SLC9C2: variants seen among roughly 807,000 people sequenced by gnomAD.
The protein encoded by SLC9C2 is solute carrier family 9 member C2 (putative).
In SLC9C2, 75 loss-of-function variants were observed where a neutral mutation model predicts 140.2. The ratio of observed to expected loss-of-function variants is 0.53; its 90% CI spans 0.44 to 0.65. The LOEUF (loss-of-function observed/expected upper bound fraction) is 0.65, where lower values mean the gene tolerates loss of function less well. SLC9C2 is among the 30% of genes least tolerant of loss of function. SLC9C2 has a pLI of 0.00. For synonymous variants in SLC9C2, 375 were observed against 420.9 expected (o/e 0.89, Z 1.34); for missense variants, 1,074 against 1,331.8 (o/e 0.81, Z 3.01).
At chr1:173,582,102 G>C in intron 6 of SLC9C2, 94 bp from the exon 7 acceptor site, 1 of 1,014,872 alleles carries the variant, frequency 9.9e-7, no homozygotes, top group South Asian at 2.5e-5. Context: ...ACTTTGGTTT[G>C]CTTGTGAGAT....
chr1:173,546,949 C>T (rs1662891256), intron 13 of SLC9C2, among the ~76,000 whole-genome samples: 1 of 152,044 alleles, frequency 6.6e-6, no homozygotes. Flanking sequence ...GGTTAGGATG[C>T]AGCAGGTATT....
intron 11 of SLC9C2, among the ~76,000 whole-genome samples, chr1:173,554,142 T>C (rs776128265): frequency 9.2e-5 from 14 of 152,230 alleles, no homozygotes; most frequent in Non-Finnish European, 1.8e-4. Flanking sequence ...TCTCTTCTTC[T>C]TCCTTCTGCT....
At chr1:173,588,768 G>C (rs561024022) in intron 4 of SLC9C2, among the ~76,000 whole-genome samples, 73 of 152,058 alleles carry the variant, frequency 4.8e-4, no homozygotes, top group Non-Finnish European at 9.3e-4. Flanking sequence ...ATTAAACAAG[G>C]CTTATAAAAT....
intron 18 of SLC9C2, among the ~76,000 whole-genome samples, chr1:173,526,981 G>C (rs1661247301): frequency 6.6e-6 from 1 of 152,054 alleles, no homozygotes; most frequent in African/African-American, 2.4e-5. Context: ...AAGTAGCTGG[G>C]ATACAAGTGT....
chr1:173,513,410 G>T (rs1023309827), intron 23 of SLC9C2, among the ~76,000 whole-genome samples: 5 of 152,118 alleles, frequency 3.3e-5, no homozygotes, highest in Admixed American at 1.3e-4. Flanking sequence ...ATGTGTCCAA[G>T]AATTTACCCT....
intron 19 of SLC9C2, among the ~76,000 whole-genome samples, chr1:173,525,787 A>T (rs1047837892): frequency 6.6e-6 from 1 of 152,236 alleles, no homozygotes; most frequent in African/African-American, 2.4e-5. Context: ...ATACTGATCT[A>T]AAACATAATA....
At chr1:173,545,486 T>C (rs983683275) in intron 13 of SLC9C2, among the ~76,000 whole-genome samples, 2 of 152,194 alleles carry the variant, frequency 1.3e-5, no homozygotes, top group Non-Finnish European at 2.9e-5. Context: ...CATCCCATTC[T>C]TCCCCCTCTT....
chr1:173,540,307 A>G (rs1662291117), intron 13 of SLC9C2, among the ~76,000 whole-genome samples: 1 of 152,254 alleles, frequency 6.6e-6, no homozygotes, highest in African/African-American at 2.4e-5. Context: ...AGCGAGACCA[A>G]CAATAGAATC....
intron 13 of SLC9C2, among the ~76,000 whole-genome samples, chr1:173,543,134 T>C (rs1662568593): frequency 3.9e-5 from 6 of 152,204 alleles, no homozygotes; most frequent in Non-Finnish European, 7.3e-5. Flanking sequence ...CAAATCTCCT[T>C]AAGCTGATAA....
intron 13 of SLC9C2, among the ~76,000 whole-genome samples, chr1:173,537,627 C>T (rs1437113904): frequency 6.6e-6 from 1 of 151,278 alleles, no homozygotes; most frequent in Non-Finnish European, 1.5e-5. Context: ...TGTATATACA[C>T]ACACACATAT....
At chr1:173,535,982 T>C in intron 14 of SLC9C2, 33 bp from the exon 15 acceptor site, 1 of 1,468,800 alleles carries the variant, frequency 6.8e-7, no homozygotes, top group Non-Finnish European at 9.1e-7. Context: ...TGTGTTATAA[T>C]AAAAAGCAAG....
chr1:173,543,837 C>T (rs991589558), intron 13 of SLC9C2, among the ~76,000 whole-genome samples: 1 of 152,142 alleles, frequency 6.6e-6, no homozygotes, highest in East Asian at 1.9e-4. Context: ...TTCCTTACAC[C>T]TTATACAAAA....
chr1:173,501,836 T>G (rs1659295881), intron 27 of SLC9C2, among the ~76,000 whole-genome samples: 1 of 152,122 alleles, frequency 6.6e-6, no homozygotes, highest in Non-Finnish European at 1.5e-5. Context: ...ACCATAAATT[T>G]GGTCAATGCA....
chr1:173,502,532 A>T lies in SLC9C2; in HGVS notation c.3371+734T>A, dbSNP rs1659357430. ...CTGCAGGCTGCCCCACCACCACCAA[A>T]ATTGTCTCTATTCTGTCCTGGTCCA... On this transcript the variant is annotated intron_variant, in intron 27 of 27. Transcript: ENST00000367714. 1.3e-5 allele frequency among the ~76,000 whole-genome samples: 2 copies of T among 151,894 alleles called. 1 individual carries two copies. The highest frequency in any genetic ancestry group is 4.2e-4 in the South Asian group (2 of 4,802).
chr1:173,552,102 C>G (rs1048495170), intron 11 of SLC9C2, among the ~76,000 whole-genome samples: 1 of 152,188 alleles, frequency 6.6e-6, no homozygotes, highest in Non-Finnish European at 1.5e-5. Context: ...ACAATATTCC[C>G]TTTAGCCAAA....
chr1:173,576,377 T>C (rs1665180100), intron 8 of SLC9C2, among the ~76,000 whole-genome samples: 1 of 152,144 alleles, frequency 6.6e-6, no homozygotes, highest in African/African-American at 2.4e-5. Flanking sequence ...AAAGAAAAAA[T>C]GTATCTTTAA....
rs139113100 is a variant in SLC9C2 at position 173,555,898 on chromosome 1, C to T, written c.1216-1084G>A. Among the ~76,000 whole-genome samples the T allele has an allele frequency of 2.2e-3, 335 of 152,298 alleles. 4 individuals are homozygous for T. The highest frequency in any genetic ancestry group is 7.8e-3 in the African/African-American group (324 of 41,562). ...ATGCTACATACAGAAGGCTACTACT[C>T]TCTTTGATTGGATTTCTCCACATGC... On this transcript the variant is annotated intron_variant, in intron 10 of 27. Transcript: ENST00000367714.
chr1:173,568,402 T>C (rs764229506), intron 9 of SLC9C2, among the ~76,000 whole-genome samples: 1 of 137,922 alleles, frequency 7.3e-6, no homozygotes, highest in Non-Finnish European at 1.5e-5. Context: ...TGTTCCTGTG[T>C]TAGTTTGCTA....
intron 23 of SLC9C2, among the ~76,000 whole-genome samples, chr1:173,511,071 T>C (rs1387813880): frequency 8.0e-6 from 1 of 125,014 alleles, no homozygotes; most frequent in Non-Finnish European, 1.6e-5. Context: ...AGTCTCACTC[T>C]CTCACTAAGC....
Sources: allele counts gnomAD v4.1 joint callset (sites outside exome capture counted in the v4.1 genomes callset), GRCh38; gene constraint gnomAD v4.1.1; transcripts MANE v1.5; gene names NCBI Gene and HGNC (gene_info 2026-07-23, HGNC 2026-07-21).